MKKS: variants seen among roughly 807,000 people sequenced by gnomAD.
MKKS encodes the protein molecular chaperone MKKS.
In MKKS, 29 loss-of-function variants were observed where a neutral mutation model predicts 33.2. That is an observed-to-expected ratio of 0.87 (90% CI 0.65 to 1.19). The LOEUF is 1.19. Among genes scored for constraint, MKKS ranks in the 50% most tolerant of loss-of-function variants. The pLI is 0.00. For missense variants in MKKS, 661 were observed against 662.3 expected (o/e 1.00, Z 0.02); for synonymous variants, 260 against 244.0 (o/e 1.07, Z -0.61).
chr20:10,407,775 C>T (rs777771759), intron 4 of MKKS, 49 bp from the exon 5 acceptor site: 5 of 1,374,318 alleles, frequency 3.6e-6, no homozygotes, highest in Middle Eastern at 1.8e-4. Flanking sequence ...ATCATATTAA[C>T]ACACAAAAAA....
chr20:10,410,044 A>T (rs1166608486), intron 3 of MKKS, among the ~76,000 whole-genome samples: 1 of 150,680 alleles, frequency 6.6e-6, no homozygotes, highest in African/African-American at 2.4e-5. Context: ...CAAAAAATTT[A>T]TAGAATATAA....
At chr20:10,423,161 G>A (rs2064993124) in intron 1 of MKKS, among the ~76,000 whole-genome samples, 1 of 152,152 alleles carries the variant, frequency 6.6e-6, no homozygotes, top group Admixed American at 6.5e-5. Flanking sequence ...TTAGGGCCAG[G>A]TGCAGTGGCT....
At chr20:10,432,789 CAAAAAAAAA>C (rs71184200) in intron 1 of MKKS, among the ~76,000 whole-genome samples, 1,405 of 74,604 alleles carry the variant, frequency 0.019, 31 homozygotes, top group African/African-American at 0.061. Flanking sequence ...GACTCTTTGT[CAAAAAAAAA>C]AAAAAAAAAA....
chr20:10,430,357 T>C (rs991869681), intron 1 of MKKS, among the ~76,000 whole-genome samples: 5 of 152,238 alleles, frequency 3.3e-5, no homozygotes, highest in African/African-American at 1.2e-4. Flanking sequence ...TTCCATTGTG[T>C]GTACAATGTG....
At chr20:10,424,585 A>G (rs1368071497) in intron 1 of MKKS, among the ~76,000 whole-genome samples, 1 of 152,134 alleles carries the variant, frequency 6.6e-6, no homozygotes, top group Non-Finnish European at 1.5e-5. Context: ...AGTTTTACAA[A>G]AAAAAAAATA....
chr20:10,406,775 A>AT (rs1259666279), intron 5 of MKKS, among the ~76,000 whole-genome samples: 1 of 152,204 alleles, frequency 6.6e-6, no homozygotes, highest in African/African-American at 2.4e-5. Context: ...TTCAGAATAC[A>AT]TTATTGTCCA....
Position 10,408,816 on chromosome 20 carries a change from G to T in MKKS, c.986-13C>A. 6.2e-7 allele frequency: 1 copy of T among 1,601,008 alleles called. No individual in the cohort carries two copies. Among genetic ancestry groups the T allele is most frequent in the East Asian group, 2.2e-5 (1 of 44,772 alleles). ...ATAGGCTGTGTTCCTATTTTTTAAA[G>T]ATTAGAAAATACAAGTTGTATAAGC... is the stretch of plus-strand genomic sequence containing the variant. On this transcript the variant is annotated splice_polypyrimidine_tract_variant and intron_variant, in intron 3 of 5. Transcript: ENST00000347364.
chr20:10,418,979 G>A (rs2064960586), intron 2 of MKKS, among the ~76,000 whole-genome samples: 1 of 152,058 alleles, frequency 6.6e-6, no homozygotes, highest in South Asian at 2.1e-4. Flanking sequence ...GTTACTACCT[G>A]GCTTTTATAT....
rs1481541456 is a variant in MKKS, at chr20:10,402,978, AGT to A, written c.*2267_*2268del. ...TTTGTGGGTTAGGAACCAACCTGGGAGTAGCTTAGCTGGCTTTTTTGCATCAG... is the reference window on the plus strand; with the variant it reads ...TTTGTGGGTTAGGAACCAACCTGGGAAGCTTAGCTGGCTTTTTTGCATCAG... On this transcript the variant is annotated 3_prime_UTR_variant, in exon 6 of 6. Transcript: ENST00000347364. 6.6e-6 allele frequency: 1 copy of A among 152,208 alleles called. No individual in the cohort carries two copies. Among genetic ancestry groups the A allele is most frequent in the African/African-American group, 2.4e-5 (1 of 41,448 alleles). 9.4% of individuals were successfully genotyped at this position (152,208 alleles called of 1,614,324 possible).
chr20:10,429,659 C>G (rs944755560), intron 1 of MKKS, among the ~76,000 whole-genome samples: 51 of 152,198 alleles, frequency 3.4e-4, no homozygotes, highest in African/African-American at 1.2e-3. Flanking sequence ...CTGCCCTTTT[C>G]CTCATGCTCC....
chr20:10,424,018 G>A (rs1403164747), intron 1 of MKKS, among the ~76,000 whole-genome samples: 2 of 152,172 alleles, frequency 1.3e-5, no homozygotes, highest in Admixed American at 6.5e-5. Context: ...ACTATTTTCT[G>A]ACAGATAATT....
Position 10,405,126 on chromosome 20 carries a change from G to T in MKKS, c.*121C>A. On this transcript the variant is annotated 3_prime_UTR_variant, in exon 6 of 6. Transcript: ENST00000347364. ...TAAATAAGTGTATCTATAATTTTAT[G>T]AGTCATTTGTCCAAATATGTAGAAC... 1.4e-6 allele frequency: 1 copy of T among 721,508 alleles called. No homozygotes were observed. Among genetic ancestry groups the T allele is most frequent in the South Asian group, 2.2e-5 (1 of 45,908 alleles). 44.7% of individuals were successfully genotyped at this position (721,508 alleles called of 1,614,324 possible).
chr20:10,412,321 A>G (rs2064894697), intron 3 of MKKS, among the ~76,000 whole-genome samples: 1 of 152,212 alleles, frequency 6.6e-6, no homozygotes, highest in Non-Finnish European at 1.5e-5. Flanking sequence ...TAGGGGGCTG[A>G]AAATACATAG....
chr20:10,418,475 T>C (rs1001427750), intron 2 of MKKS, among the ~76,000 whole-genome samples: 1 of 152,194 alleles, frequency 6.6e-6, no homozygotes, highest in Non-Finnish European at 1.5e-5. Flanking sequence ...ACTTCAACTA[T>C]TCGGAATTTG....
At chr20:10,432,369 A>C (rs1024213685) in intron 1 of MKKS, among the ~76,000 whole-genome samples, 10 of 152,236 alleles carry the variant, frequency 6.6e-5, no homozygotes, top group African/African-American at 9.6e-5. Flanking sequence ...ATTCTCAGGA[A>C]ACCCAACCTA....
At chr20:10,417,837 C>T (rs1232407301) in intron 2 of MKKS, among the ~76,000 whole-genome samples, 1 of 151,504 alleles carries the variant, frequency 6.6e-6, no homozygotes, top group African/African-American at 2.4e-5. Context: ...TACGAGATTA[C>T]AGGAAATAGG....
chr20:10,409,179 AC>A (rs2064862969), intron 3 of MKKS, among the ~76,000 whole-genome samples: 1 of 151,730 alleles, frequency 6.6e-6, no homozygotes, highest in African/African-American at 2.4e-5. Flanking sequence ...AATTTGGATT[AC>A]GGGTGATGTG....
At position 10,420,202 on chromosome 20, in the gene MKKS, A is replaced by T. The variant is rs575759111; in HGVS notation, c.-418+326T>A. Among the ~76,000 whole-genome samples, 4 of 152,294 alleles carry T rather than the reference A, an allele frequency of 2.6e-5. No individual in the cohort carries two copies. The South Asian group carries it at 8.3e-4, about 32-fold the overall frequency. ...AAAAAAAAGAACACTAATAGAAGAA[A>T]ATAATCTTGTATAAATTTGGACTTT... On this transcript the variant is annotated intron_variant, in intron 2 of 5. Transcript: ENST00000347364.
At chr20:10,419,983 G>A (rs2064967882) in intron 2 of MKKS, among the ~76,000 whole-genome samples, 1 of 152,174 alleles carries the variant, frequency 6.6e-6, no homozygotes, top group African/African-American at 2.4e-5. Context: ...ATCAAGTTTT[G>A]CTGTCAAAGG....
Sources: allele counts gnomAD v4.1 joint callset (sites outside exome capture counted in the v4.1 genomes callset), GRCh38; gene constraint gnomAD v4.1.1; transcripts MANE v1.5; gene names NCBI Gene and HGNC (gene_info 2026-07-23, HGNC 2026-07-21).